GLRB: variants seen among roughly 807,000 people sequenced by gnomAD.
GLRB encodes the protein glycine receptor beta.
GLRB carries 33 observed loss-of-function variants against 54.2 expected under a neutral mutation model. The ratio of observed to expected loss-of-function variants is 0.61; its 90% CI spans 0.46 to 0.81. The LOEUF is 0.81. GLRB is among the 40% of genes least tolerant of loss of function. GLRB has a pLI of 0.00. For synonymous variants in GLRB, 209 were observed against 208.2 expected, an observed-to-expected ratio of 1.00 and a Z score of -0.03; for missense variants, 572 against 584.6, an observed-to-expected ratio of 0.98 and a Z score of 0.22.
chr4:157,079,879 C>T (rs1734164456), intron 2 of GLRB, among the ~76,000 whole-genome samples: 1 of 152,152 alleles, frequency 6.6e-6, no homozygotes, highest in Non-Finnish European at 1.5e-5. Flanking sequence ...AAACTGTTGT[C>T]TATGTCATAT....
intron 2 of GLRB, among the ~76,000 whole-genome samples, chr4:157,087,950 G>T (rs1286379687): frequency 6.6e-6 from 1 of 151,820 alleles, no homozygotes; most frequent in Non-Finnish European, 1.5e-5. Context: ...CTTTACCATG[G>T]GTATTTTATG....
At chr4:157,093,763 A>AC (rs930030045) in intron 2 of GLRB, among the ~76,000 whole-genome samples, 4 of 151,528 alleles carry the variant, frequency 2.6e-5, no homozygotes, top group Non-Finnish European at 5.9e-5. Flanking sequence ...TCAAAAAAAA[A>AC]AAAAAAAAAA....
intron 2 of GLRB, among the ~76,000 whole-genome samples, chr4:157,118,124 T>A (rs1407026830): frequency 6.6e-6 from 1 of 151,646 alleles, no homozygotes; most frequent in East Asian, 1.9e-4. Context: ...AGCCTACAGC[T>A]AGAAGCAGAA....
intron 9 of GLRB, among the ~76,000 whole-genome samples, chr4:157,159,970 T>A (rs1471600574): frequency 1.3e-5 from 2 of 152,194 alleles, no homozygotes; most frequent in African/African-American, 2.4e-5. Flanking sequence ...TCCTGGACTT[T>A]TTTTGGTTGG....
chr4:157,115,844 G>T (rs1735589555), intron 2 of GLRB, among the ~76,000 whole-genome samples: 1 of 151,754 alleles, frequency 6.6e-6, no homozygotes, highest in African/African-American at 2.4e-5. Flanking sequence ...TTAAGTTCAT[G>T]TCCAGCTGAA....
intron 2 of GLRB, among the ~76,000 whole-genome samples, chr4:157,082,586 T>C (rs1489416466): frequency 6.6e-6 from 1 of 152,200 alleles, no homozygotes; most frequent in Non-Finnish European, 1.5e-5. Flanking sequence ...TTTAGAAATA[T>C]GGTCTCAATA....
At chr4:157,146,531 T>C (rs954554745) in intron 8 of GLRB, among the ~76,000 whole-genome samples, 1 of 152,010 alleles carries the variant, frequency 6.6e-6, no homozygotes, top group South Asian at 2.1e-4. Flanking sequence ...AAATATTTGA[T>C]GATGGGGCTG....
intron 2 of GLRB, among the ~76,000 whole-genome samples, chr4:157,114,835 A>C (rs552122203): frequency 1.3e-5 from 2 of 151,898 alleles, no homozygotes; most frequent in East Asian, 3.9e-4. Context: ...CATCATATCA[A>C]GGGTCCATAT....
At chr4:157,106,137 G>T (rs556992528) in intron 2 of GLRB, among the ~76,000 whole-genome samples, 2 of 152,114 alleles carry the variant, frequency 1.3e-5, no homozygotes, top group South Asian at 4.1e-4. Flanking sequence ...CTTCATTTTT[G>T]ATGGACGAGT....
At chr4:157,144,187 G>A (rs1736721803) in intron 8 of GLRB, among the ~76,000 whole-genome samples, 1 of 152,092 alleles carries the variant, frequency 6.6e-6, no homozygotes. Context: ...ATTATAAGCA[G>A]TTAATCTATT....
intron 9 of GLRB, among the ~76,000 whole-genome samples, chr4:157,156,625 T>A (rs1253141018): frequency 1.3e-5 from 2 of 152,210 alleles, no homozygotes; most frequent in Non-Finnish European, 1.5e-5. Flanking sequence ...GCCCTTTACA[T>A]TTTCCTGTTG....
intron 2 of GLRB, among the ~76,000 whole-genome samples, chr4:157,113,493 A>G (rs1279390746): frequency 6.6e-6 from 1 of 152,020 alleles, no homozygotes; most frequent in Admixed American, 6.6e-5. Context: ...AGAATGAGTA[A>G]TCTCACATGA....
At chr4:157,157,721 T>C (rs1363537514) in intron 9 of GLRB, among the ~76,000 whole-genome samples, 1 of 152,218 alleles carries the variant, frequency 6.6e-6, no homozygotes, top group African/African-American at 2.4e-5. Flanking sequence ...TGCCACATTT[T>C]CTTAATCCAG....
chr4:157,117,863 C>T (rs1282952241), intron 2 of GLRB, among the ~76,000 whole-genome samples: 1 of 151,438 alleles, frequency 6.6e-6, no homozygotes. Context: ...GTAATATACT[C>T]GTAGATAAGA....
chr4:157,080,508 G>C (rs916232313), intron 2 of GLRB, among the ~76,000 whole-genome samples: 1 of 152,108 alleles, frequency 6.6e-6, no homozygotes, highest in Non-Finnish European at 1.5e-5. Flanking sequence ...AACTTTAGAA[G>C]ACTAGGGTTG....
chr4:157,124,070 G>A (rs1468886045), intron 4 of GLRB, among the ~76,000 whole-genome samples: 1 of 151,696 alleles, frequency 6.6e-6, no homozygotes. Context: ...GTATTGAGTT[G>A]AAAATACCAG....
Position 157,128,024 on chromosome 4 carries a change from G to A in GLRB, c.297+5627G>A, listed in dbSNP as rs79462787. On this transcript the variant is annotated intron_variant, in intron 4 of 9. Coordinates refer to ENST00000264428, the MANE Select transcript of GLRB (RefSeq NM_000824.5). Reference sequence around the variant, plus strand: ...AATTCTGCTGGAGGTTTATCTGATTGCATATAACTTCCTCCCAAGTCCAGC... The same window carrying A: ...AATTCTGCTGGAGGTTTATCTGATTACATATAACTTCCTCCCAAGTCCAGC... Among the ~76,000 whole-genome samples the A allele has an allele frequency of 6.2e-3, 937 of 151,782 alleles. 21 individuals are homozygous for A. In the East Asian group the frequency reaches 0.1, roughly 16 times the overall value.
intron 2 of GLRB, among the ~76,000 whole-genome samples, chr4:157,098,006 A>T (rs1191526731): frequency 6.6e-6 from 1 of 151,982 alleles, no homozygotes; most frequent in Non-Finnish European, 1.5e-5. Flanking sequence ...GGGGGACAAG[A>T]GTGAGACTTT....
intron 8 of GLRB, among the ~76,000 whole-genome samples, chr4:157,148,489 C>A (rs1188739640): frequency 2.0e-5 from 3 of 152,118 alleles, no homozygotes; most frequent in Admixed American, 2.0e-4. Flanking sequence ...CCTTTTCTAA[C>A]ATGAACATTT....
Sources: gnomAD v4.1 joint callset for allele counts (sites outside exome capture counted in the v4.1 genomes callset) on GRCh38, gnomAD v4.1.1 for gene constraint, MANE v1.5 for transcripts, NCBI Gene and HGNC (gene_info 2026-07-23, HGNC 2026-07-21) for gene names.